SULF2: variants seen among roughly 807,000 people sequenced by gnomAD.
SULF2 encodes extracellular sulfatase Sulf-2.
A neutral mutation model predicts 107.7 loss-of-function variants in SULF2; 52 were observed. The observed-to-expected ratio is 0.48, with a 90% confidence interval of 0.39 to 0.61. The LOEUF (loss-of-function observed/expected upper bound fraction) is 0.61, where lower values mean the gene tolerates loss of function less well. Ranked by LOEUF, SULF2 falls within the 20% of genes least tolerant of loss-of-function variation. The pLI is 0.00. For missense variants in SULF2, 993 were observed against 1,177.3 expected (o/e 0.84, Z 2.29); for synonymous variants, 460 against 464.3 (o/e 0.99, Z 0.12).
intron 10 of SULF2, chr20:47,672,621 C>A: frequency 1.1e-6 from 1 of 894,718 alleles, no homozygotes; most frequent in Non-Finnish European, 1.3e-6. Context: ...AGCCACCACT[C>A]TCACGGTTAC....
At chr20:47,709,651 G>C (rs1392040327) in intron 3 of SULF2, among the ~76,000 whole-genome samples, 1 of 152,166 alleles carries the variant, frequency 6.6e-6, no homozygotes, top group East Asian at 1.9e-4. Flanking sequence ...GGGATTTTTA[G>C]GGAGCTACTA....
intron 3 of SULF2, among the ~76,000 whole-genome samples, chr20:47,715,764 T>C (rs1487454548): frequency 6.6e-6 from 1 of 152,084 alleles, no homozygotes; most frequent in Non-Finnish European, 1.5e-5. Flanking sequence ...GTATTGTTAG[T>C]AGAGACAGGG....
intron 1 of SULF2, among the ~76,000 whole-genome samples, chr20:47,765,120 G>A (rs1405268043): frequency 6.6e-6 from 1 of 152,132 alleles, no homozygotes; most frequent in East Asian, 1.9e-4. Flanking sequence ...GGGAGGCCAA[G>A]GCGGGCGGAT....
chr20:47,728,697 G>A (rs1408645889), intron 3 of SULF2, among the ~76,000 whole-genome samples: 4 of 152,200 alleles, frequency 2.6e-5, no homozygotes, highest in Non-Finnish European at 5.9e-5. Context: ...AAGCGACAGA[G>A]TGTAGTGGTG....
chr20:47,757,238 G>A lies in SULF2; in HGVS notation c.126C>T (p.Ile42=), dbSNP rs1166024547. The A allele has an allele frequency of 3.8e-6, 6 of 1,567,636 alleles. No individual in the cohort carries two copies. The highest frequency in any genetic ancestry group is 4.3e-6 in the Non-Finnish European group (5 of 1,155,252). The change falls in exon 2 of 21, where the codon ATC becomes ATT. Residue 42 remains isoleucine, a synonymous_variant. Transcript: ENST00000688720. Reference sequence around the variant, plus strand: ...TCAGCACCAGGATGATGTTGGGGCGGATGTTCCTGCGGTCCCTCTGAAACC... The same window carrying A: ...TCAGCACCAGGATGATGTTGGGGCGAATGTTCCTGCGGTCCCTCTGAAACC... The part of the protein sequence containing the change: ...KGRFQRDRRN[I]RPNIILVLTD...
chr20:47,675,116 G>GA (rs1372162596), intron 10 of SULF2, among the ~76,000 whole-genome samples: 1 of 152,224 alleles, frequency 6.6e-6, no homozygotes. Context: ...TGGGTCAGGG[G>GA]AGACATCAGA....
At chr20:47,774,030 G>A (rs1313381966) in intron 1 of SULF2, among the ~76,000 whole-genome samples, 1 of 152,248 alleles carries the variant, frequency 6.6e-6, no homozygotes, top group Non-Finnish European at 1.5e-5. Context: ...GCTATTAGCA[G>A]ATGAGCTGTT....
intron 11 of SULF2, among the ~76,000 whole-genome samples, chr20:47,670,431 A>G (rs1232737058): frequency 6.6e-6 from 1 of 151,404 alleles, no homozygotes; most frequent in South Asian, 2.1e-4. Flanking sequence ...AGCTCAGGCA[A>G]TCCGCCTGCC....
At chr20:47,754,365 T>C (rs1038817940) in intron 2 of SULF2, among the ~76,000 whole-genome samples, 2 of 152,246 alleles carry the variant, frequency 1.3e-5, no homozygotes, top group Non-Finnish European at 1.5e-5. Context: ...TGCATGCCAG[T>C]TGTAGCAGAG....
chr20:47,710,676 C>G (rs1242112405), intron 3 of SULF2, among the ~76,000 whole-genome samples: 2 of 152,134 alleles, frequency 1.3e-5, no homozygotes, highest in Non-Finnish European at 2.9e-5. Context: ...CACCAATGGG[C>G]CCGTCCCCTG....
chr20:47,758,954 G>C (rs2146915805), intron 1 of SULF2, among the ~76,000 whole-genome samples: 1 of 152,310 alleles, frequency 6.6e-6, no homozygotes, highest in East Asian at 1.9e-4. Flanking sequence ...AGGGGGATGT[G>C]CTGCCTGCTT....
Position 47,659,443 on chromosome 20 carries a change from C to A in SULF2, c.2538G>T (p.Gln846His). Reference protein sequence around the residue: ...GGSYEQYRQFQRRKWPEMKRP... With the variant: ...GGSYEQYRQFHRRKWPEMKRP... ...TCTTCATTTCTGGCCACTTTCGACG[C>A]TGAAACTGCCTAAGTTTTCAAGTGT... is the stretch of plus-strand genomic sequence containing the variant. Residue 846 changes from glutamine (Q) to histidine (H), a missense_variant, in exon 20 of 21, where the codon CAG (glutamine) becomes CAT (histidine). Physicochemically the swap from Gln to His is conservative, Grantham distance 24 (BLOSUM62 0). Transcript: ENST00000688720. 1.2e-6 allele frequency: 2 copies of A among 1,614,132 alleles called. No homozygotes were observed. The highest frequency in any genetic ancestry group is 1.7e-6 in the Non-Finnish European group (2 of 1,180,012).
intron 1 of SULF2, among the ~76,000 whole-genome samples, chr20:47,783,954 C>T (rs1176594035): frequency 2.0e-5 from 3 of 152,228 alleles, no homozygotes; most frequent in Non-Finnish European, 4.4e-5. Context: ...CTCCCTACCC[C>T]GTTCCTATAC....
intron 3 of SULF2, among the ~76,000 whole-genome samples, chr20:47,712,201 G>A (rs1336413653): frequency 6.6e-6 from 1 of 152,218 alleles, no homozygotes; most frequent in Non-Finnish European, 1.5e-5. Flanking sequence ...TGGCCAGAGG[G>A]CCCTTCTGAG....
rs575829369 is a variant in SULF2 at position 47,743,871 on chromosome 20, C to T, written c.176-6929G>A. Among the ~76,000 whole-genome samples the T allele has an allele frequency of 5.9e-5, 9 of 152,308 alleles. No homozygotes were observed. The South Asian group carries it at 1.7e-3, about 28-fold the overall frequency. On this transcript the variant is annotated intron_variant, in intron 2 of 20. Transcript: ENST00000688720. ...GCACGCTTCTGCCTCAGGACCTTTG[C>T]ACCTGCCACTCCTCAGCCCAGACTC...
chr20:47,727,844 A>G (rs1698812904), intron 3 of SULF2, among the ~76,000 whole-genome samples: 1 of 152,078 alleles, frequency 6.6e-6, no homozygotes, highest in South Asian at 2.1e-4. Context: ...AATTCTTTAG[A>G]CTCTTGCTCA....
chr20:47,737,159 A>G (rs1327215467), intron 2 of SULF2, among the ~76,000 whole-genome samples: 1 of 152,170 alleles, frequency 6.6e-6, no homozygotes, highest in Non-Finnish European at 1.5e-5. Context: ...CCTGAGGTCC[A>G]GGTCTGGAGT....
intron 3 of SULF2, among the ~76,000 whole-genome samples, chr20:47,723,244 A>T (rs912670980): frequency 1.3e-5 from 1 of 79,202 alleles, no homozygotes. Flanking sequence ...AGTCCATCTC[A>T]AAAAAAAGAA....
At chr20:47,689,198 G>C (rs959201863) in intron 5 of SULF2, among the ~76,000 whole-genome samples, 12 of 152,166 alleles carry the variant, frequency 7.9e-5, no homozygotes, top group African/African-American at 2.9e-4. Flanking sequence ...AGTGTGACAG[G>C]CAGCCTCCAA....
Sources: allele counts gnomAD v4.1 joint callset (sites outside exome capture counted in the v4.1 genomes callset), GRCh38; gene constraint gnomAD v4.1.1; transcripts MANE v1.5; gene names NCBI Gene and HGNC (gene_info 2026-07-23, HGNC 2026-07-21).